NEK11: variants seen among roughly 807,000 people sequenced by gnomAD.
NEK11 encodes the protein serine/threonine-protein kinase Nek11.
A neutral mutation model predicts 80.7 loss-of-function variants in NEK11; 72 were observed. That is an observed-to-expected ratio of 0.89 (90% confidence interval 0.74 to 1.08). The LOEUF (loss-of-function observed/expected upper bound fraction) is 1.08, where lower values mean the gene tolerates loss of function less well. Ranked by LOEUF, NEK11 falls within the 50% of genes least tolerant of loss-of-function variation. The probability of loss-of-function intolerance (pLI) is 0.00; values close to 1 mark genes in which losing one functional copy is unlikely to be tolerated. For missense variants in NEK11, 764 were observed against 763.6 expected, an observed-to-expected ratio of 1.00 and a Z score of -0.01; for synonymous variants, 251 against 260.7, an observed-to-expected ratio of 0.96 and a Z score of 0.36.
intron 14 of NEK11, among the ~76,000 whole-genome samples, chr3:131,184,093 C>G (rs1440509396): frequency 6.6e-6 from 1 of 152,156 alleles, no homozygotes; most frequent in African/African-American, 2.4e-5. Flanking sequence ...AATCATTGCT[C>G]TCTCAGCTCA....
intron 5 of NEK11, among the ~76,000 whole-genome samples, chr3:131,127,515 A>G (rs1486937863): frequency 6.6e-6 from 1 of 151,280 alleles, no homozygotes; most frequent in Non-Finnish European, 1.5e-5. Context: ...AATATATAGA[A>G]TCTAGCTCTC....
intron 17 of NEK11, among the ~76,000 whole-genome samples, chr3:131,277,075 G>A (rs890072028): frequency 2.6e-5 from 4 of 152,072 alleles, no homozygotes; most frequent in African/African-American, 9.7e-5. Flanking sequence ...ATACACTTTT[G>A]GTGGTAGCCT....
chr3:131,267,849 T>G (rs1156542861), intron 16 of NEK11, among the ~76,000 whole-genome samples: 1 of 152,230 alleles, frequency 6.6e-6, no homozygotes, highest in Admixed American at 6.5e-5. Context: ...TTCTCCTGGA[T>G]AATATCCTGA....
At chr3:131,178,581 G>C (rs984105628) in intron 14 of NEK11, among the ~76,000 whole-genome samples, 5 of 152,124 alleles carry the variant, frequency 3.3e-5, no homozygotes, top group Admixed American at 6.6e-5. Context: ...CCCACTGGGA[G>C]ATCTCCATGG....
intron 11 of NEK11, among the ~76,000 whole-genome samples, chr3:131,164,061 C>T (rs1475813517): frequency 1.3e-5 from 2 of 152,126 alleles, no homozygotes; most frequent in Non-Finnish European, 2.9e-5. Flanking sequence ...TAGAGGTGTC[C>T]TTGTACTTAG....
intron 16 of NEK11, among the ~76,000 whole-genome samples, chr3:131,251,763 A>ATGACCTCTTATTGTGTG (rs2095708344): frequency 6.6e-6 from 1 of 152,028 alleles, no homozygotes; most frequent in Admixed American, 6.6e-5. Context: ...TATGACTATG[A>ATGACCTCTTATTGTGTG]TGACCTCTTA....
chr3:131,348,943 T>TTCC (rs996702924), intron 17 of NEK11, among the ~76,000 whole-genome samples: 3 of 151,758 alleles, frequency 2.0e-5, no homozygotes, highest in Admixed American at 6.6e-5. Flanking sequence ...CCCCCTCATT[T>TTCC]TCCTCCTCCT....
intron 14 of NEK11, among the ~76,000 whole-genome samples, chr3:131,175,329 A>G (rs541043466): frequency 2.2e-4 from 33 of 152,322 alleles, no homozygotes; most frequent in Middle Eastern, 3.4e-3. Context: ...ATAAGTACTC[A>G]AAATAAAAAA....
chr3:131,318,780 A>G (rs1375296439), intron 17 of NEK11, among the ~76,000 whole-genome samples: 2 of 150,714 alleles, frequency 1.3e-5, no homozygotes, highest in East Asian at 3.9e-4. Context: ...TTGATAATTT[A>G]TAATATTTAT....
intron 16 of NEK11, among the ~76,000 whole-genome samples, chr3:131,269,187 A>G (rs1276167299): frequency 6.6e-6 from 1 of 152,176 alleles, no homozygotes. Context: ...AAGCTGGTGG[A>G]TCTTAGCTTT....
intron 3 of NEK11, among the ~76,000 whole-genome samples, chr3:131,064,051 A>G (rs75486448): frequency 0.01 from 1,535 of 152,330 alleles, 20 homozygotes; most frequent in East Asian, 0.073. Context: ...CTTGAAAACA[A>G]TATGCTAAGT....
intron 14 of NEK11, among the ~76,000 whole-genome samples, chr3:131,210,340 G>A (rs569838920): frequency 6.6e-6 from 1 of 152,214 alleles, no homozygotes; most frequent in East Asian, 1.9e-4. Flanking sequence ...CTGAGAGACA[G>A]TTTGTTATAA....
At chr3:131,105,461 CT>C (rs2079040870) in intron 4 of NEK11, among the ~76,000 whole-genome samples, 1 of 152,146 alleles carries the variant, frequency 6.6e-6, no homozygotes, top group African/African-American at 2.4e-5. Context: ...TTAGTCCATT[CT>C]CAATGAAGAA....
chr3:131,136,216 A>G lies in NEK11; in HGVS notation c.647+2260A>G, dbSNP rs371204329. Among the ~76,000 whole-genome samples the G allele has an allele frequency of 2.2e-4, 34 of 152,316 alleles. No homozygotes were observed. In the East Asian group the frequency reaches 3.7e-3, roughly 16 times the overall value. On this transcript the variant is annotated intron_variant, in intron 7 of 17. Transcript: ENST00000383366. ...CCTGACCCTAAATAACCACCTTATTATGGATTTAGTAATTACCTTGGTTGT... is the reference window on the plus strand; with the variant it reads ...CCTGACCCTAAATAACCACCTTATTGTGGATTTAGTAATTACCTTGGTTGT...
At chr3:131,170,317 T>C (rs947355528) in intron 13 of NEK11, among the ~76,000 whole-genome samples, 1 of 152,210 alleles carries the variant, frequency 6.6e-6, no homozygotes, top group African/African-American at 2.4e-5. Flanking sequence ...TTTTAGGAAA[T>C]TGGAATTCAT....
chr3:131,303,516 G>A (rs1238848646), intron 17 of NEK11, among the ~76,000 whole-genome samples: 2 of 152,142 alleles, frequency 1.3e-5, no homozygotes, highest in South Asian at 2.1e-4. Context: ...TTTGTAAGGT[G>A]GGTCTGATGG....
intron 3 of NEK11, 74 bp from the exon 4 acceptor site, chr3:131,080,349 T>G (rs2075062927): frequency 1.8e-6 from 2 of 1,117,794 alleles, no homozygotes; most frequent in African/African-American, 1.6e-5. Flanking sequence ...AATTAATGGC[T>G]CTGTACCACT....
intron 7 of NEK11, 88 bp downstream of exon 7, chr3:131,134,044 A>G: frequency 1.8e-6 from 2 of 1,138,446 alleles, no homozygotes; most frequent in Non-Finnish European, 2.4e-6. Flanking sequence ...TACTGCATAC[A>G]TTCACTTTAT....
chr3:131,280,494 T>A (rs1207314914), intron 17 of NEK11, among the ~76,000 whole-genome samples: 1 of 152,238 alleles, frequency 6.6e-6, no homozygotes, highest in Non-Finnish European at 1.5e-5. Flanking sequence ...ATTCAGTGTA[T>A]GTTTATAAAT....
Sources: gnomAD v4.1 joint callset for allele counts (sites outside exome capture counted in the v4.1 genomes callset) on GRCh38, gnomAD v4.1.1 for gene constraint, MANE v1.5 for transcripts, NCBI Gene and HGNC (gene_info 2026-07-23, HGNC 2026-07-21) for gene names.